MCU: variants seen among roughly 807,000 people sequenced by gnomAD.
The protein encoded by MCU is mitochondrial calcium uniporter.
Under a neutral mutation model 45.2 loss-of-function variants are expected in MCU, and 12 were observed. That is an observed-to-expected ratio of 0.27 (90% CI 0.17 to 0.43). MCU has a LOEUF of 0.43. MCU is among the 20% of genes least tolerant of loss of function. The pLI is 1.00. For missense variants in MCU, 324 were observed against 436.7 expected (o/e 0.74, Z 2.30); for synonymous variants, 160 against 165.1 (o/e 0.97, Z 0.24).
chr10:72,767,293 G>GCTTT (rs1843741666), intron 1 of MCU, among the ~76,000 whole-genome samples: 1 of 152,036 alleles, frequency 6.6e-6, no homozygotes, highest in Non-Finnish European at 1.5e-5. Context: ...GCCTAGGAAA[G>GCTTT]GTCTTAGCTG....
chr10:72,710,991 A>G (rs1006778538), intron 1 of MCU, among the ~76,000 whole-genome samples: 1 of 152,034 alleles, frequency 6.6e-6, no homozygotes, highest in Non-Finnish European at 1.5e-5. Flanking sequence ...CAGCCTGGCC[A>G]ACATCATGAA....
intron 1 of MCU, among the ~76,000 whole-genome samples, chr10:72,798,122 A>G (rs1271931870): frequency 6.6e-6 from 1 of 152,200 alleles, no homozygotes; most frequent in Non-Finnish European, 1.5e-5. Flanking sequence ...TAAAATTTGG[A>G]CAATACATAA....
At chr10:72,767,772 A>G (rs1843749250) in intron 1 of MCU, among the ~76,000 whole-genome samples, 1 of 152,188 alleles carries the variant, frequency 6.6e-6, no homozygotes, top group Non-Finnish European at 1.5e-5. Flanking sequence ...CTTTGGTCAA[A>G]AGGTTTGGTC....
At chr10:72,711,724 T>C (rs1842897114) in intron 1 of MCU, among the ~76,000 whole-genome samples, 2 of 145,406 alleles carry the variant, frequency 1.4e-5, no homozygotes, top group Non-Finnish European at 1.5e-5. Context: ...TTTTTTTTTT[T>C]TTTTTGAGAC....
chr10:72,740,510 G>A (rs1303117561), intron 1 of MCU, among the ~76,000 whole-genome samples: 1 of 152,084 alleles, frequency 6.6e-6, no homozygotes. Flanking sequence ...TATTAGAAAT[G>A]GTTTTCCAAA....
intron 1 of MCU, among the ~76,000 whole-genome samples, chr10:72,732,952 CT>C (rs1412425464): frequency 6.6e-6 from 1 of 152,128 alleles, no homozygotes; most frequent in African/African-American, 2.4e-5. Context: ...TTAACATAAT[CT>C]TTCACTAAGA....
chr10:72,799,783 T>A (rs887044137), intron 1 of MCU, among the ~76,000 whole-genome samples: 2 of 152,218 alleles, frequency 1.3e-5, no homozygotes, highest in South Asian at 2.1e-4. Flanking sequence ...AACTTTTTTT[T>A]ATGTCATTGG....
At chr10:72,713,378 C>A (rs1842918577) in intron 1 of MCU, among the ~76,000 whole-genome samples, 1 of 152,132 alleles carries the variant, frequency 6.6e-6, no homozygotes, top group South Asian at 2.1e-4. Flanking sequence ...CTCCCAGGTT[C>A]AAGTGATTCT....
At chr10:72,817,418 G>C (rs1844644300) in intron 1 of MCU, among the ~76,000 whole-genome samples, 1 of 152,124 alleles carries the variant, frequency 6.6e-6, no homozygotes, top group Admixed American at 6.5e-5. Flanking sequence ...TTGCTATACT[G>C]TATAAGAAAA....
rs11310286 is a variant in MCU, at chr10:72,741,098, CTTTTTTTT to C, written c.150+48807_150+48814del. 2.5e-3 allele frequency among the ~76,000 whole-genome samples: 310 copies of C among 124,656 alleles called. 1 individual carries two copies. The highest frequency in any genetic ancestry group is 3.5e-3 in the Non-Finnish European group (202 of 57,504). 81.8% of individuals were successfully genotyped at this position (124,656 alleles called of 152,430 possible). A position where few individuals can be genotyped will look rare whatever the true frequency, so the allele number is the denominator to read the frequency against. ...CTTGAGAGAATAGCGTTTTCTTTTT[CTTTTTTTT>C]TTTTTTTTTGTGTGACGGAGTCTCA... On this transcript the variant is annotated intron_variant, in intron 1 of 7. Transcript: ENST00000373053.
intron 4 of MCU, among the ~76,000 whole-genome samples, chr10:72,864,238 A>G (rs1845420641): frequency 6.6e-6 from 1 of 152,072 alleles, no homozygotes; most frequent in Admixed American, 6.5e-5. Context: ...TTTCTAGTAA[A>G]TTGTCTATTG....
chr10:72,869,929 G>C (rs1232274252), intron 5 of MCU, among the ~76,000 whole-genome samples: 1 of 151,990 alleles, frequency 6.6e-6, no homozygotes, highest in African/African-American at 2.4e-5. Flanking sequence ...TTATAAAATA[G>C]TGTGCATACT....
intron 1 of MCU, among the ~76,000 whole-genome samples, chr10:72,697,685 C>T (rs576398599): frequency 6.9e-4 from 105 of 152,148 alleles, no homozygotes; most frequent in Non-Finnish European, 9.7e-4. Context: ...CCACCCACCT[C>T]GGCCTCCCAA....
chr10:72,858,145 C>G (rs1233406019), intron 2 of MCU, among the ~76,000 whole-genome samples: 1 of 151,982 alleles, frequency 6.6e-6, no homozygotes, highest in African/African-American at 2.4e-5. Flanking sequence ...GAGGAAGAGG[C>G]AAAAAGAACA....
At chr10:72,885,132 T>G (rs918252432) in intron 7 of MCU, among the ~76,000 whole-genome samples, 4 of 152,196 alleles carry the variant, frequency 2.6e-5, no homozygotes, top group Admixed American at 6.5e-5. Context: ...AGTGGAGTTC[T>G]GTCTTCCTTT....
intron 1 of MCU, among the ~76,000 whole-genome samples, chr10:72,712,000 C>T (rs1453178583): frequency 6.6e-6 from 1 of 151,170 alleles, no homozygotes; most frequent in Non-Finnish European, 1.5e-5. Context: ...GCATGAGCCA[C>T]CGCACCCTGC....
At chr10:72,782,098 A>G (rs1323149035) in intron 1 of MCU, among the ~76,000 whole-genome samples, 1 of 152,140 alleles carries the variant, frequency 6.6e-6, no homozygotes, top group African/African-American at 2.4e-5. Context: ...GATTCCACAA[A>G]AAATACCATG....
In MCU at chr10:72,769,665, A is replaced by C. The variant is rs1480889476; in HGVS notation, c.151-64694A>C. ...ACCCATTTAAAATGTAACCCATTTC[A>C]ATGGTTTTTAGTATAATCACAGTTG... On this transcript the variant is annotated intron_variant, in intron 1 of 7. Coordinates refer to ENST00000373053, the MANE Select transcript of MCU (RefSeq NM_138357.3). Among the ~76,000 whole-genome samples the C allele has an allele frequency of 2.0e-5, 3 of 152,158 alleles. No individual in the cohort carries two copies. The East Asian group carries it at 5.8e-4, about 29-fold the overall frequency.
chr10:72,798,809 CTAAAG>C (rs1374096602), intron 1 of MCU, among the ~76,000 whole-genome samples: 1 of 151,968 alleles, frequency 6.6e-6, no homozygotes, highest in Non-Finnish European at 1.5e-5. Context: ...ATAATTTAAT[CTAAAG>C]TATAGAATCA....
Sources: allele counts gnomAD v4.1 joint callset (sites outside exome capture counted in the v4.1 genomes callset), GRCh38; gene constraint gnomAD v4.1.1; transcripts MANE v1.5; gene names NCBI Gene and HGNC (gene_info 2026-07-23, HGNC 2026-07-21).